Variants in PDK4 observed in about 807,000 individuals in gnomAD.
PDK4 encodes the protein pyruvate dehydrogenase kinase 4.
A neutral mutation model predicts 51.7 loss-of-function variants in PDK4; 43 were observed. The observed-to-expected ratio is 0.83, with a 90% CI of 0.65 to 1.07. PDK4 has a LOEUF of 1.07. PDK4 is among the 50% of genes least tolerant of loss of function. PDK4 has a pLI of 0.00. For synonymous variants in PDK4, 170 were observed against 176.6 expected (o/e 0.96, Z 0.30); for missense variants, 498 against 503.5 (o/e 0.99, Z 0.10).
chr7:95,595,086 T>C lies in PDK4; in HGVS notation c.209A>G (p.Lys70Arg), dbSNP rs763088476. The C allele has an allele frequency of 2.5e-6, 4 of 1,612,752 alleles. No individual in the cohort carries two copies. In the African/African-American group the frequency reaches 5.3e-5, roughly 22 times the overall value. Residue 70 changes from lysine to arginine, a missense_variant, in exon 2 of 11, where the codon AAG (lysine) becomes AGG (arginine). Transcript: ENST00000005178. ...TTGGGTCGGGAGGATATCAATTTCC[T>C]TCAGAATGTTGGCGAGTCTCACAGG... Reference protein sequence around the residue: ...ELPVRLANILKEIDILPTQLV... With the variant: ...ELPVRLANILREIDILPTQLV...
At chr7:95,595,981 C>A (rs527260202) in intron 1 of PDK4, among the ~76,000 whole-genome samples, 183 bp downstream of exon 1, 1 of 152,124 alleles carries the variant, frequency 6.6e-6, no homozygotes, top group South Asian at 2.1e-4. Flanking sequence ...CTGGAGGCAC[C>A]CCTGTCAGAA....
intron 3 of PDK4, 100 bp from the exon 4 acceptor site, chr7:95,593,044 C>T (rs528451312): frequency 4.0e-4 from 253 of 635,048 alleles, no homozygotes; most frequent in Non-Finnish European, 5.9e-4. Flanking sequence ...TTTTGCATTA[C>T]CCATCTGAAC....
intron 1 of PDK4, 87 bp from the exon 2 acceptor site, chr7:95,595,251 C>T (rs1485523216): frequency 7.7e-6 from 6 of 776,418 alleles, no homozygotes; most frequent in Admixed American, 2.8e-5. Flanking sequence ...ATATTGAACA[C>T]ACATATATTA....
Position 95,587,500 on chromosome 7 carries a change from A to T in PDK4, c.899T>A (p.Leu300Gln). Residue 300 changes from leucine (L) to glutamine (Q), a missense_variant, in exon 9 of 11, where the codon CTG becomes CAG. Coordinates refer to ENST00000005178, the MANE Select transcript of PDK4 (RefSeq NM_002612.4). ...ACTAAAGAGGCGGTCAATAATTCTCAGGGGAACACCACCTCCTCTGTCTGA... is the reference window on the plus strand; with the variant it reads ...ACTAAAGAGGCGGTCAATAATTCTCTGGGGAACACCACCTCCTCTGTCTGA... ...KISDRGGGVP[L>Q]RIIDRLFSYT... 2 of 1,606,206 alleles carry T rather than the reference A, an allele frequency of 1.2e-6. No homozygotes were observed. The highest frequency in any genetic ancestry group is 1.1e-5 in the South Asian group (1 of 90,938).
Position 95,585,503 on chromosome 7 carries a change from T to C in PDK4, c.*138A>G. The C allele has an allele frequency of 1.5e-6, 1 of 669,360 alleles. No individual in the cohort carries two copies. Among genetic ancestry groups the C allele is most frequent in the Non-Finnish European group, 2.4e-6 (1 of 416,984 alleles). 41.5% of individuals were successfully genotyped at this position (669,360 alleles called of 1,614,324 possible). On this transcript the variant is annotated 3_prime_UTR_variant, in exon 11 of 11. Transcript: ENST00000005178. Reference sequence around the variant, plus strand: ...TCACAGAAACAAGCTCCATTCCTCATTGGATCAGTGTTCTGATTAAGGAGT... The same window carrying C: ...TCACAGAAACAAGCTCCATTCCTCACTGGATCAGTGTTCTGATTAAGGAGT...
chr7:95,596,129 C>G (rs754344072), intron 1 of PDK4, 35 bp downstream of exon 1: 1 of 1,584,312 alleles, frequency 6.3e-7, no homozygotes, highest in African/African-American at 1.4e-5. Flanking sequence ...TTCCCCAACC[C>G]TAGGACCCAG....
intron 7 of PDK4, 57 bp from the exon 8 acceptor site, chr7:95,587,882 G>GTTT: frequency 2.6e-5 from 22 of 853,482 alleles, no homozygotes; most frequent in South Asian, 3.4e-5. Flanking sequence ...GACAATAAAT[G>GTTT]TTTTTTTTTT....
At chr7:95,593,593 T>G (rs1333030073) in intron 3 of PDK4, 106 bp downstream of exon 3, 2 of 582,476 alleles carry the variant, frequency 3.4e-6, no homozygotes, top group Non-Finnish European at 6.1e-6. Flanking sequence ...GGGTAGTGAT[T>G]TATTATTCAG....
intron 6 of PDK4, among the ~76,000 whole-genome samples, chr7:95,591,261 C>T (rs952799181): frequency 6.6e-6 from 1 of 152,276 alleles, no homozygotes; most frequent in African/African-American, 2.4e-5. Flanking sequence ...GAAGTATGTT[C>T]TGCTTCCAAA....
Position 95,592,053 on chromosome 7 carries a change from C to T in PDK4, c.629G>A (p.Cys210Tyr), listed in dbSNP as rs760896849. The T allele has an allele frequency of 6.3e-7, 1 of 1,575,488 alleles. No individual in the cohort carries two copies. The highest frequency in any genetic ancestry group is 1.2e-5 in the South Asian group (1 of 85,478). Reference protein sequence around the residue: ...VVAVVQDAFECSRMLCDQYYL... With the variant: ...VVAVVQDAFEYSRMLCDQYYL... ...ATACTGATCACAGAGCATCCTTGAA[C>T]ACTCAAAGGCATCTGGAATAGAAGT... Residue 210 changes from cysteine to tyrosine, a missense_variant, in exon 6 of 11, where the codon TGT becomes TAT. Transcript: ENST00000005178.
In PDK4 at chr7:95,585,555, G is replaced by A. The variant is rs924846866; in HGVS notation, c.*86C>T. ...TTCGTTGCTGTCGTTTGTTTTGGAG[G>A]AAACAAGGGTTCACACACAAACATT... On this transcript the variant is annotated 3_prime_UTR_variant, in exon 11 of 11. Coordinates refer to ENST00000005178, the MANE Select transcript of PDK4 (RefSeq NM_002612.4). 22 of 1,193,654 alleles carry A rather than the reference G, an allele frequency of 1.8e-5. No individual in the cohort carries two copies. The highest frequency in any genetic ancestry group is 4.5e-5 in the African/African-American group (3 of 65,936). The allele number at this position is 1,193,654 out of a possible 1,614,324, so 73.9% of individuals were successfully genotyped here.
At position 95,595,176 on chromosome 7, in the gene PDK4, G is replaced by A. The variant is rs1399097002; in HGVS notation, c.131-12C>T. The A allele has an allele frequency of 6.2e-7, 1 of 1,600,522 alleles. No individual in the cohort carries two copies. The highest frequency in any genetic ancestry group is 1.1e-5 in the South Asian group (1 of 90,366). ...TGCATTTTCTGAACCTATAATAAATGAAATCAATTTAGTTTTGAGAAAAAG... is the reference window on the plus strand; with the variant it reads ...TGCATTTTCTGAACCTATAATAAATAAAATCAATTTAGTTTTGAGAAAAAG... On this transcript the variant is annotated splice_polypyrimidine_tract_variant and intron_variant, in intron 1 of 10. Transcript: ENST00000005178.
rs968588429 is a variant in PDK4, at chr7:95,587,965, T to C, written c.772-140A>G. 7.9e-6 allele frequency: 5 copies of C among 630,606 alleles called. No individual in the cohort carries two copies. In the African/African-American group the frequency reaches 9.2e-5, roughly 12 times the overall value. 39.1% of individuals were successfully genotyped at this position (630,606 alleles called of 1,614,324 possible). ...TTTTTAAGTTAGTAGTAAAACAGCT[T>C]TGTAAATAGCCATTTATGAATGGGT... On this transcript the variant is annotated intron_variant, in intron 7 of 10. Transcript: ENST00000005178.
chr7:95,595,180 T>C lies in PDK4; in HGVS notation c.131-16A>G. The C allele has an allele frequency of 1.9e-6, 3 of 1,596,842 alleles. No homozygotes were observed. The highest frequency in any genetic ancestry group is 2.6e-6 in the Non-Finnish European group (3 of 1,165,560). On this transcript the variant is annotated splice_polypyrimidine_tract_variant and intron_variant, in intron 1 of 10. Coordinates refer to ENST00000005178, the MANE Select transcript of PDK4 (RefSeq NM_002612.4). ...TTTTCTGAACCTATAATAAATGAAATCAATTTAGTTTTGAGAAAAAGTGTG... is the reference window on the plus strand; with the variant it reads ...TTTTCTGAACCTATAATAAATGAAACCAATTTAGTTTTGAGAAAAAGTGTG...
chr7:95,595,124 C>CA lies in PDK4; in HGVS notation c.170dup (p.Leu57PhefsTer17). The CA allele has an allele frequency of 1.9e-6, 3 of 1,612,728 alleles. No homozygotes were observed. The highest frequency in any genetic ancestry group is 2.2e-5 in the South Asian group (2 of 90,968). On this transcript the variant is annotated frameshift_variant, in exon 2 of 11. Coordinates refer to ENST00000005178, the MANE Select transcript of PDK4 (RefSeq NM_002612.4). LOFTEE classifies it high-confidence loss of function. ...CGAGTCTCACAGGCAATTCTTGTCG[C>CA]AAAAATGCAAAAGAAGTTCTTTCAC...
chr7:95,592,261 C>A (rs1168174420), intron 5 of PDK4, among the ~76,000 whole-genome samples, 196 bp from the exon 6 acceptor site: 1 of 151,956 alleles, frequency 6.6e-6, no homozygotes, highest in Non-Finnish European at 1.5e-5. Context: ...GCAATATGTG[C>A]ACTTCAGAGA....
At chr7:95,592,676 G>C (rs751698454) in intron 4 of PDK4, 79 bp from the exon 5 acceptor site, 3 of 1,359,374 alleles carry the variant, frequency 2.2e-6, no homozygotes, top group African/African-American at 1.4e-5. Flanking sequence ...AATGTGACCC[G>C]CTGATTAGTG....
At chr7:95,587,632 A>G in intron 8 of PDK4, 95 bp downstream of exon 8, 1 of 1,134,994 alleles carries the variant, frequency 8.8e-7, no homozygotes, top group Non-Finnish European at 1.3e-6. Flanking sequence ...GGCATATATG[A>G]CTGTTATCTA....
intron 2 of PDK4, 35 bp from the exon 3 acceptor site, chr7:95,593,805 T>C (rs759387167): frequency 5.3e-6 from 5 of 943,306 alleles, no homozygotes; most frequent in Non-Finnish European, 8.4e-6. Flanking sequence ...AGTTTTAAAA[T>C]TAATAGTCAG....
Sources: allele counts gnomAD v4.1 joint callset (sites outside exome capture counted in the v4.1 genomes callset), GRCh38; gene constraint gnomAD v4.1.1; transcripts MANE v1.5; gene names NCBI Gene and HGNC (gene_info 2026-07-23, HGNC 2026-07-21).